The following LRRC49 variants were observed in gnomAD, a reference collection of about 807,000 sequenced individuals.
LRRC49 encodes leucine rich repeat containing 49.
Under a neutral mutation model 83.3 loss-of-function variants are expected in LRRC49, and 50 were observed. The observed-to-expected ratio is 0.60, with a 90% CI of 0.48 to 0.76. The LOEUF (loss-of-function observed/expected upper bound fraction) is 0.76. Among genes scored for constraint, LRRC49 ranks in the 30% least tolerant of loss-of-function variants. LRRC49 has a pLI of 0.00. For synonymous variants in LRRC49, 286 were observed against 283.3 expected, an observed-to-expected ratio of 1.01 and a Z score of -0.10; for missense variants, 704 against 809.1, an observed-to-expected ratio of 0.87 and a Z score of 1.58.
intron 4 of LRRC49, among the ~76,000 whole-genome samples, chr15:70,903,775 A>G (rs557490084): frequency 6.6e-6 from 1 of 152,242 alleles, no homozygotes; most frequent in African/African-American, 2.4e-5. Flanking sequence ...TTATTTTACT[A>G]CTAGAATTCT....
At chr15:71,046,654 G>C (rs776867655) in intron 15 of LRRC49, among the ~76,000 whole-genome samples, 20 of 152,158 alleles carry the variant, frequency 1.3e-4, no homozygotes, top group Non-Finnish European at 2.8e-4. Context: ...TAGGTTGTCT[G>C]TTTGCTCTGT....
intron 2 of LRRC49, among the ~76,000 whole-genome samples, chr15:70,884,349 A>G (rs2033346949): frequency 1.3e-5 from 2 of 151,992 alleles, no homozygotes; most frequent in African/African-American, 2.4e-5. Flanking sequence ...CCTAGCCAAC[A>G]TCGTGAAACC....
At chr15:71,024,083 C>A (rs2039081139) in intron 14 of LRRC49, among the ~76,000 whole-genome samples, 1 of 152,220 alleles carries the variant, frequency 6.6e-6, no homozygotes, top group African/African-American at 2.4e-5. Flanking sequence ...GCAACTCCAG[C>A]CAGGGGTTTA....
chr15:70,957,916 C>A (rs2036459631), intron 8 of LRRC49, among the ~76,000 whole-genome samples: 1 of 152,056 alleles, frequency 6.6e-6, no homozygotes, highest in Non-Finnish European at 1.5e-5. Context: ...TTTAAAATTT[C>A]TCTGTAAATT....
At chr15:71,039,674 A>G (rs2039637924) in intron 15 of LRRC49, among the ~76,000 whole-genome samples, 1 of 152,220 alleles carries the variant, frequency 6.6e-6, no homozygotes, top group African/African-American at 2.4e-5. Context: ...GTTTTAAAAA[A>G]ATGTTTTCAA....
intron 11 of LRRC49, among the ~76,000 whole-genome samples, chr15:70,996,910 A>G (rs2038092929): frequency 6.6e-6 from 1 of 152,216 alleles, no homozygotes; most frequent in African/African-American, 2.4e-5. Context: ...TTGTGGTCAG[A>G]GAAGACATTT....
chr15:71,013,549 A>G (rs1781313653), intron 14 of LRRC49, among the ~76,000 whole-genome samples: 1 of 152,222 alleles, frequency 6.6e-6, no homozygotes, highest in South Asian at 2.1e-4. Context: ...GTTACTCTGT[A>G]GGCCAGGAGA....
intron 14 of LRRC49, among the ~76,000 whole-genome samples, chr15:71,036,159 T>C (rs1042942718): frequency 1.3e-5 from 2 of 152,222 alleles, no homozygotes; most frequent in African/African-American, 4.8e-5. Context: ...AAGTGTTTGT[T>C]ATATCCTTTG....
intron 2 of LRRC49, chr15:70,894,806 G>A: frequency 4.0e-6 from 1 of 251,184 alleles, no homozygotes; most frequent in Admixed American, 5.3e-5. Context: ...TAGTCAAGGA[G>A]GCAGCTGTTG....
intron 6 of LRRC49, among the ~76,000 whole-genome samples, chr15:70,912,250 ATTG>A (rs574879422): frequency 1.1e-3 from 161 of 151,860 alleles, no homozygotes; most frequent in African/African-American, 3.7e-3. Context: ...TCCTGTTTTT[ATTG>A]TTGTTGTTGT....
At chr15:71,035,853 T>C (rs1596168832) in intron 14 of LRRC49, among the ~76,000 whole-genome samples, 1 of 152,220 alleles carries the variant, frequency 6.6e-6, no homozygotes, top group South Asian at 2.1e-4. Context: ...TTTGGGTATA[T>C]ACCCACTAAT....
At chr15:71,025,393 T>C (rs980762272) in intron 14 of LRRC49, among the ~76,000 whole-genome samples, 4 of 150,450 alleles carry the variant, frequency 2.7e-5, no homozygotes, top group Non-Finnish European at 4.5e-5. Context: ...GGAAAAGCCA[T>C]TACCAGCCAC....
intron 14 of LRRC49, among the ~76,000 whole-genome samples, chr15:71,029,313 T>C (rs2039275258): frequency 6.6e-6 from 1 of 152,194 alleles, no homozygotes; most frequent in African/African-American, 2.4e-5. Context: ...CCCATGCAGA[T>C]TGTTCAATTT....
At chr15:70,873,975 T>C (rs964384495) in intron 2 of LRRC49, among the ~76,000 whole-genome samples, 2 of 152,230 alleles carry the variant, frequency 1.3e-5, no homozygotes, top group Non-Finnish European at 1.5e-5. Flanking sequence ...TAGAAAGGGA[T>C]TGAGATGTCA....
chr15:71,002,273 GA>G (rs1402931562), intron 11 of LRRC49, among the ~76,000 whole-genome samples: 1 of 151,884 alleles, frequency 6.6e-6, no homozygotes, highest in Non-Finnish European at 1.5e-5. Context: ...CAAAAAAGTG[GA>G]TATTTCTTGG....
intron 5 of LRRC49, among the ~76,000 whole-genome samples, chr15:70,905,440 T>G (rs768158337): frequency 2.6e-5 from 4 of 152,286 alleles, no homozygotes; most frequent in Middle Eastern, 3.4e-3. Flanking sequence ...CATCTTTCCC[T>G]GCCTCCCACC....
chr15:70,899,029 A>G (rs1223240763), intron 3 of LRRC49, among the ~76,000 whole-genome samples: 8 of 152,100 alleles, frequency 5.3e-5, no homozygotes, highest in African/African-American at 9.7e-5. Context: ...CTTTCTATTT[A>G]TTGTAAGCAG....
intron 15 of LRRC49, 28 bp from the exon 16 acceptor site, chr15:71,049,381 A>G: frequency 3.5e-6 from 5 of 1,441,770 alleles, no homozygotes; most frequent in South Asian, 1.2e-5. Context: ...TTATGATTTA[A>G]TACAAAACTT....
At chr15:70,991,174 T>A (rs2037866683) in intron 11 of LRRC49, among the ~76,000 whole-genome samples, 1 of 152,220 alleles carries the variant, frequency 6.6e-6, no homozygotes, top group South Asian at 2.1e-4. Flanking sequence ...TATGATACAT[T>A]TATCACATGA....
Sources: gnomAD v4.1 joint callset for allele counts (sites outside exome capture counted in the v4.1 genomes callset) on GRCh38, gnomAD v4.1.1 for gene constraint, MANE v1.5 for transcripts, NCBI Gene and HGNC (gene_info 2026-07-23, HGNC 2026-07-21) for gene names.